The following EDIL3 variants were observed in gnomAD, a reference collection of about 807,000 sequenced individuals.
EDIL3 encodes EGF-like repeat and discoidin I-like domain-containing protein 3.
EDIL3 carries 37 observed loss-of-function variants against 67.4 expected under a neutral mutation model. The ratio of observed to expected loss-of-function variants is 0.55; its 90% CI spans 0.42 to 0.72. The LOEUF is 0.72. EDIL3 is among the 30% of genes least tolerant of loss of function. The pLI is 0.00. For missense variants in EDIL3, 527 were observed against 586.3 expected (o/e 0.90, Z 1.04); for synonymous variants, 195 against 196.3 (o/e 0.99, Z 0.05).
chr5:84,313,144 T>C (rs1746439977), intron 1 of EDIL3, among the ~76,000 whole-genome samples: 1 of 152,158 alleles, frequency 6.6e-6, no homozygotes, highest in African/African-American at 2.4e-5. Context: ...TCAAATTTCT[T>C]GTCACCATAC....
At chr5:84,347,466 C>T (rs947142261) in intron 1 of EDIL3, among the ~76,000 whole-genome samples, 17 of 152,144 alleles carry the variant, frequency 1.1e-4, no homozygotes, top group Admixed American at 7.9e-4. Flanking sequence ...ATTACAGTAA[C>T]TAAACCCAGC....
At chr5:84,183,296 A>T (rs1749046740) in intron 3 of EDIL3, among the ~76,000 whole-genome samples, 1 of 152,142 alleles carries the variant, frequency 6.6e-6, no homozygotes, top group Non-Finnish European at 1.5e-5. Flanking sequence ...TGGGATTCTA[A>T]AACCTATACC....
intron 9 of EDIL3, among the ~76,000 whole-genome samples, chr5:84,050,197 CAAAAAA>C: frequency 1.6e-5 from 1 of 60,856 alleles, no homozygotes; most frequent in African/African-American, 6.2e-5. Flanking sequence ...AACTCCATCT[CAAAAAA>C]AAAAAAAAAA....
chr5:84,152,047 G>A (rs1232312578), intron 4 of EDIL3, among the ~76,000 whole-genome samples: 2 of 151,966 alleles, frequency 1.3e-5, no homozygotes, highest in East Asian at 1.9e-4. Context: ...AGCCTCCAGA[G>A]TAGCTGGGAT....
intron 3 of EDIL3, among the ~76,000 whole-genome samples, chr5:84,205,198 T>C (rs1743941681): frequency 6.6e-6 from 1 of 151,946 alleles, no homozygotes. Flanking sequence ...TTACAGGTGT[T>C]AGCCACCATG....
At chr5:84,007,024 C>G (rs918589546) in intron 9 of EDIL3, among the ~76,000 whole-genome samples, 2 of 151,972 alleles carry the variant, frequency 1.3e-5, no homozygotes, top group Non-Finnish European at 1.5e-5. Context: ...GCACCAAGAA[C>G]CTACATTGGA....
chr5:84,027,011 C>T (rs927794772), intron 9 of EDIL3, among the ~76,000 whole-genome samples: 8 of 152,122 alleles, frequency 5.3e-5, no homozygotes, highest in African/African-American at 1.9e-4. Context: ...GGGAGGATCA[C>T]CTGAGCCCAA....
intron 3 of EDIL3, among the ~76,000 whole-genome samples, chr5:84,208,285 A>G (rs1176615237): frequency 6.6e-6 from 1 of 152,160 alleles, no homozygotes. Context: ...CAGCCAAAAG[A>G]CACATGAAAA....
rs896294983 is a variant in EDIL3, at chr5:84,060,336, C to T, written c.1101G>A (p.Trp367Ter). 4 of 1,613,660 alleles carry T rather than the reference C, an allele frequency of 2.5e-6. No homozygotes were observed. The highest frequency in any genetic ancestry group is 3.4e-6 in the Non-Finnish European group (4 of 1,179,820). Reference sequence around the variant, plus strand: ...GTGACTGGTCATTGTGGCCAGAGGTCCAGGCATTCACTTTGCCTTGCTTGT... The same window carrying T: ...GTGACTGGTCATTGTGGCCAGAGGTTCAGGCATTCACTTTGCCTTGCTTGT... Reference protein sequence around the residue: ...RLDKQGKVNAWTSGHNDQSQW... With the variant: ...RLDKQGKVNA The change falls in exon 9 of 11, where the codon TGG (tryptophan) becomes TGA (stop). Residue 367 changes from tryptophan (W) to a stop codon, truncating the protein, a stop_gained. Coordinates refer to ENST00000296591, the MANE Select transcript of EDIL3 (RefSeq NM_005711.5). LOFTEE classifies it high-confidence loss of function.
At chr5:84,115,439 T>C (rs1747648115) in intron 5 of EDIL3, among the ~76,000 whole-genome samples, 1 of 152,214 alleles carries the variant, frequency 6.6e-6, no homozygotes, top group Admixed American at 6.5e-5. Flanking sequence ...TGTCTATTAA[T>C]ATTTCTCAAA....
intron 9 of EDIL3, among the ~76,000 whole-genome samples, chr5:83,984,368 C>T (rs559381454): frequency 6.6e-6 from 1 of 152,158 alleles, no homozygotes; most frequent in Admixed American, 6.6e-5. Flanking sequence ...AGAGCAGAGA[C>T]CTGGGCATAA....
At chr5:84,300,682 T>C (rs1317970321) in intron 1 of EDIL3, among the ~76,000 whole-genome samples, 1 of 152,174 alleles carries the variant, frequency 6.6e-6, no homozygotes, top group Non-Finnish European at 1.5e-5. Context: ...GAAATATTTG[T>C]TAGTTAAGAA....
intron 9 of EDIL3, among the ~76,000 whole-genome samples, chr5:83,967,234 G>A (rs987370053): frequency 2.0e-5 from 3 of 152,028 alleles, no homozygotes; most frequent in African/African-American, 7.2e-5. Context: ...GGTGGCAGGA[G>A]GGCTTGAGCC....
chr5:84,184,913 G>A (rs1159219193), intron 3 of EDIL3, among the ~76,000 whole-genome samples: 1 of 152,150 alleles, frequency 6.6e-6, no homozygotes, highest in Admixed American at 6.5e-5. Context: ...GGTTATGGCT[G>A]CTGTTATTTT....
intron 4 of EDIL3, among the ~76,000 whole-genome samples, chr5:84,178,663 T>G (rs982515982): frequency 1.3e-5 from 2 of 152,224 alleles, no homozygotes; most frequent in Non-Finnish European, 2.9e-5. Context: ...ATCAAATGAC[T>G]GACTCAGGGT....
At chr5:83,981,447 A>T (rs1394403303) in intron 9 of EDIL3, among the ~76,000 whole-genome samples, 1 of 152,116 alleles carries the variant, frequency 6.6e-6, no homozygotes, top group Non-Finnish European at 1.5e-5. Context: ...TTAATAAAAC[A>T]GTATATTGTG....
chr5:84,043,311 C>T (rs1265327638), intron 9 of EDIL3, among the ~76,000 whole-genome samples: 1 of 152,094 alleles, frequency 6.6e-6, no homozygotes, highest in African/African-American at 2.4e-5. Context: ...TCTGGGTTAA[C>T]TTTAGCTTAT....
intron 3 of EDIL3, among the ~76,000 whole-genome samples, chr5:84,190,551 A>ATG (rs1228798257): frequency 0.024 from 3,047 of 126,758 alleles, 64 homozygotes; most frequent in Admixed American, 0.049. Flanking sequence ...ATATATATAT[A>ATG]TGTGTGTGTG....
intron 3 of EDIL3, among the ~76,000 whole-genome samples, chr5:84,193,595 A>G (rs1236843329): frequency 6.6e-6 from 1 of 151,964 alleles, no homozygotes; most frequent in African/African-American, 2.4e-5. Context: ...GAGGTAACAT[A>G]AGGAAAAGAA....
Sources: gnomAD v4.1 joint callset for allele counts (sites outside exome capture counted in the v4.1 genomes callset) on GRCh38, gnomAD v4.1.1 for gene constraint, MANE v1.5 for transcripts, NCBI Gene and HGNC (gene_info 2026-07-23, HGNC 2026-07-21) for gene names.